The following PLCB1 variants were observed in gnomAD, a reference collection of about 807,000 sequenced individuals.
PLCB1 encodes the protein phospholipase C beta 1.
A neutral mutation model predicts 161.8 loss-of-function variants in PLCB1; 46 were observed. The observed-to-expected ratio is 0.28, with a 90% CI of 0.22 to 0.36. The LOEUF (loss-of-function observed/expected upper bound fraction) is 0.36, where lower values mean the gene tolerates loss of function less well. Ranked by LOEUF, PLCB1 falls within the 10% of genes least tolerant of loss-of-function variation. The pLI, the probability that PLCB1 is intolerant of heterozygous loss-of-function variation, is 1.00. For synonymous variants in PLCB1, 517 were observed against 503.7 expected (o/e 1.03, Z -0.35); for missense variants, 1,016 against 1,472.5 (o/e 0.69, Z 5.07).
At chr20:8,306,125 G>A (rs1024845404) in intron 2 of PLCB1, among the ~76,000 whole-genome samples, 1 of 152,200 alleles carries the variant, frequency 6.6e-6, no homozygotes, top group Admixed American at 6.5e-5. Flanking sequence ...ACTCTCAGAG[G>A]ATGTTTAGCC....
chr20:8,881,777 G>C lies in PLCB1; in HGVS notation c.3579G>C (p.Val1193=). 1 of 1,614,100 alleles carries C rather than the reference G, an allele frequency of 6.2e-7. No homozygotes were observed. The highest frequency in any genetic ancestry group is 8.5e-7 in the Non-Finnish European group (1 of 1,179,978). The change falls in exon 32 of 32, where the codon GTG becomes GTC. Residue 1193 remains valine, a synonymous_variant. Coordinates refer to ENST00000338037, the MANE Select transcript of PLCB1 (RefSeq NM_015192.4). ...PLSLSSDPGK[V]NHKTPSSEEL... is the part of the protein sequence containing the mutation. The stretch of plus-strand genomic sequence containing the variant: ...CCCTGTCCTCAGACCCTGGAAAAGT[G>C]AACCACAAGACTCCCTCCAGTGAGG...
chr20:8,594,479 G>T (rs1191242293), intron 3 of PLCB1, among the ~76,000 whole-genome samples: 1 of 152,088 alleles, frequency 6.6e-6, no homozygotes, highest in Non-Finnish European at 1.5e-5. Context: ...GTAGGTTAGG[G>T]GCGGTCCTGA....
chr20:8,176,450 G>A (rs73080247), intron 2 of PLCB1, among the ~76,000 whole-genome samples: 20,911 of 152,186 alleles, frequency 0.14, 1,512 homozygotes, highest in Middle Eastern at 0.32. Context: ...TTTAATGAGG[G>A]ACAATTTTGT....
At chr20:8,809,620 T>A (rs1455698569) in intron 31 of PLCB1, among the ~76,000 whole-genome samples, 1 of 152,214 alleles carries the variant, frequency 6.6e-6, no homozygotes, top group Non-Finnish European at 1.5e-5. Context: ...TCTTTCATGG[T>A]ACAGGGTTTT....
At chr20:8,787,720 A>G (rs1983557001) in intron 27 of PLCB1, among the ~76,000 whole-genome samples, 1 of 152,276 alleles carries the variant, frequency 6.6e-6, no homozygotes, top group Non-Finnish European at 1.5e-5. Flanking sequence ...GGAATTGTGC[A>G]GAATACCAAG....
At chr20:8,162,681 C>T (rs1031888607) in intron 2 of PLCB1, among the ~76,000 whole-genome samples, 2 of 152,192 alleles carry the variant, frequency 1.3e-5, no homozygotes, top group African/African-American at 4.8e-5. Context: ...CACTTAGGAA[C>T]AGTGGTCTGA....
chr20:8,538,334 C>T (rs1464600526), intron 3 of PLCB1, among the ~76,000 whole-genome samples: 1 of 152,122 alleles, frequency 6.6e-6, no homozygotes, highest in Non-Finnish European at 1.5e-5. Flanking sequence ...TTCTTTGTAG[C>T]ACATTCCCCT....
At chr20:8,430,949 A>T (rs1056871755) in intron 3 of PLCB1, among the ~76,000 whole-genome samples, 1 of 152,120 alleles carries the variant, frequency 6.6e-6, no homozygotes, top group Non-Finnish European at 1.5e-5. Flanking sequence ...ACAGAGCAAG[A>T]CCATGTCTCA....
chr20:8,541,241 G>T (rs552370552), intron 3 of PLCB1, among the ~76,000 whole-genome samples: 1 of 152,234 alleles, frequency 6.6e-6, no homozygotes, highest in African/African-American at 2.4e-5. Context: ...TGTAACTGCT[G>T]GTGTGCCACT....
intron 10 of PLCB1, among the ~76,000 whole-genome samples, chr20:8,686,902 T>G (rs1299519682): frequency 1.3e-5 from 2 of 152,156 alleles, no homozygotes; most frequent in African/African-American, 4.8e-5. Context: ...TAACAGCAAT[T>G]TGGACCCTGA....
intron 10 of PLCB1, among the ~76,000 whole-genome samples, chr20:8,693,751 A>T (rs1990529755): frequency 6.6e-6 from 1 of 152,204 alleles, no homozygotes; most frequent in Admixed American, 6.5e-5. Flanking sequence ...GCTATTTTTG[A>T]TCTTCTGGTT....
chr20:8,611,679 A>G (rs1383275236), intron 3 of PLCB1, among the ~76,000 whole-genome samples: 1 of 152,192 alleles, frequency 6.6e-6, no homozygotes, highest in Non-Finnish European at 1.5e-5. Context: ...ACAGAGTTTT[A>G]TTGACCGTGC....
At chr20:8,641,454 A>C (rs1311090308) in intron 4 of PLCB1, among the ~76,000 whole-genome samples, 1 of 152,248 alleles carries the variant, frequency 6.6e-6, no homozygotes, top group Non-Finnish European at 1.5e-5. Context: ...AATGCGAGGC[A>C]GAACTATGAG....
chr20:8,690,524 CTG>C (rs1990453611), intron 10 of PLCB1, among the ~76,000 whole-genome samples: 1 of 152,088 alleles, frequency 6.6e-6, no homozygotes. Flanking sequence ...GAAGTTAAGT[CTG>C]TTTCTTGGCA....
chr20:8,495,056 TG>T (rs1983104323), intron 3 of PLCB1, among the ~76,000 whole-genome samples: 1 of 150,950 alleles, frequency 6.6e-6, no homozygotes, highest in African/African-American at 2.4e-5. Flanking sequence ...AAATCTTTTA[TG>T]AAAAAAAAAA....
At chr20:8,535,528 G>T (rs183327692) in intron 3 of PLCB1, among the ~76,000 whole-genome samples, 120 of 152,164 alleles carry the variant, frequency 7.9e-4, no homozygotes, top group African/African-American at 2.7e-3. Context: ...CATGAAAAAG[G>T]AAATAATATA....
intron 2 of PLCB1, among the ~76,000 whole-genome samples, chr20:8,323,940 T>A (rs1985028795): frequency 6.6e-6 from 1 of 152,182 alleles, no homozygotes; most frequent in Non-Finnish European, 1.5e-5. Context: ...TATGCTCTAT[T>A]CAACTATCCT....
chr20:8,507,467 T>A (rs970769486), intron 3 of PLCB1, among the ~76,000 whole-genome samples: 2 of 152,292 alleles, frequency 1.3e-5, no homozygotes, highest in East Asian at 3.9e-4. Context: ...ATTGTCAGGA[T>A]CTGAGAAAGC....
intron 14 of PLCB1, among the ~76,000 whole-genome samples, chr20:8,720,848 T>A (rs1339214272): frequency 2.0e-5 from 1 of 50,964 alleles, no homozygotes; most frequent in East Asian, 2.3e-4. Context: ...CCTCTCTGAT[T>A]TTTTTTTTTT....
Sources: allele counts gnomAD v4.1 joint callset (sites outside exome capture counted in the v4.1 genomes callset), GRCh38; gene constraint gnomAD v4.1.1; transcripts MANE v1.5; gene names NCBI Gene and HGNC (gene_info 2026-07-23, HGNC 2026-07-21).